RPTOR: variants seen among roughly 807,000 people sequenced by gnomAD.
RPTOR encodes regulatory associated protein of MTOR complex 1, also known as regulatory-associated protein of mTOR.
Under a neutral mutation model 169.9 loss-of-function variants are expected in RPTOR, and 21 were observed. That is an observed-to-expected ratio of 0.12 (90% CI 0.09 to 0.18). The LOEUF is 0.18. RPTOR is among the 10% of genes least tolerant of loss of function. The pLI, the probability that RPTOR is intolerant of heterozygous loss-of-function variation, is 1.00. For synonymous variants in RPTOR, 732 were observed against 753.2 expected, an observed-to-expected ratio of 0.97 and a Z score of 0.46; for missense variants, 1,133 against 1,855.9, an observed-to-expected ratio of 0.61 and a Z score of 7.16.
intron 1 of RPTOR, among the ~76,000 whole-genome samples, chr17:80,613,860 C>T (rs970778011): frequency 3.9e-5 from 6 of 152,102 alleles, no homozygotes; most frequent in African/African-American, 1.2e-4. Flanking sequence ...CGGGCTGGGC[C>T]GCGTGTTCTG....
intron 7 of RPTOR, among the ~76,000 whole-genome samples, chr17:80,816,120 A>G (rs1331839711): frequency 6.6e-6 from 1 of 152,240 alleles, no homozygotes; most frequent in East Asian, 1.9e-4. Flanking sequence ...TTGAGTAGCT[A>G]AAAAGTAATG....
chr17:80,548,105 A>G (rs1205438190), intron 1 of RPTOR, among the ~76,000 whole-genome samples: 5 of 115,670 alleles, frequency 4.3e-5, no homozygotes, highest in African/African-American at 1.7e-4. Context: ...TTTTTGAGAC[A>G]GGGTCTTGCT....
At chr17:80,758,380 A>G (rs894993290) in intron 6 of RPTOR, among the ~76,000 whole-genome samples, 3 of 152,132 alleles carry the variant, frequency 2.0e-5, no homozygotes, top group African/African-American at 7.2e-5. Context: ...GTCCAAGTCC[A>G]TTGTGGGGTG....
intron 5 of RPTOR, among the ~76,000 whole-genome samples, chr17:80,752,583 C>T (rs1320894073): frequency 1.3e-5 from 2 of 152,198 alleles, no homozygotes; most frequent in African/African-American, 4.8e-5. Flanking sequence ...TTTCTGAAAA[C>T]GACAGCAAAA....
chr17:80,769,626 A>G (rs1400693181), intron 6 of RPTOR, among the ~76,000 whole-genome samples: 1 of 151,530 alleles, frequency 6.6e-6, no homozygotes, highest in Admixed American at 6.6e-5. Context: ...GAGTAGGGAT[A>G]CTCCTTCTGC....
At chr17:80,923,256 C>G (rs3817292) in intron 22 of RPTOR, among the ~76,000 whole-genome samples, 50,677 of 152,012 alleles carry the variant, frequency 0.33, 8,579 homozygotes, top group East Asian at 0.48. Context: ...TCCCAGGGTG[C>G]TGGAGTTCAA....
intron 3 of RPTOR, among the ~76,000 whole-genome samples, chr17:80,653,306 G>A (rs2065654834): frequency 6.6e-6 from 1 of 152,162 alleles, no homozygotes; most frequent in Non-Finnish European, 1.5e-5. Context: ...CCCGTGGGAG[G>A]CCAAGACAGG....
chr17:80,882,388 A>G (rs530869001), intron 14 of RPTOR, among the ~76,000 whole-genome samples: 10 of 152,390 alleles, frequency 6.6e-5, no homozygotes, highest in Admixed American at 6.5e-5. Context: ...TCGAAGGCAT[A>G]AAGACAAACC....
chr17:80,817,120 G>A (rs2067332265), intron 7 of RPTOR, among the ~76,000 whole-genome samples: 1 of 152,248 alleles, frequency 6.6e-6, no homozygotes, highest in South Asian at 2.1e-4. Context: ...CACAGCGGGA[G>A]GCACGGCATG....
chr17:80,832,385 G>A (rs556552774), intron 9 of RPTOR, among the ~76,000 whole-genome samples: 9 of 152,208 alleles, frequency 5.9e-5, no homozygotes, highest in African/African-American at 2.2e-4. Context: ...AGGCAGCTCA[G>A]GCCTGGGGGA....
chr17:80,907,916 ACT>A (rs2068563930), intron 20 of RPTOR, among the ~76,000 whole-genome samples: 1 of 151,632 alleles, frequency 6.6e-6, no homozygotes, highest in African/African-American at 2.4e-5. Context: ...AGAAGGAGTC[ACT>A]CTCGCTCCTT....
At chr17:80,613,268 C>T (rs1271101844) in intron 1 of RPTOR, among the ~76,000 whole-genome samples, 1 of 152,210 alleles carries the variant, frequency 6.6e-6, no homozygotes, top group Non-Finnish European at 1.5e-5. Flanking sequence ...TTCCCCAGTG[C>T]TGTCAGACAG....
chr17:80,658,341 C>CT (rs2065695478), intron 3 of RPTOR, among the ~76,000 whole-genome samples: 1 of 152,160 alleles, frequency 6.6e-6, no homozygotes, highest in African/African-American at 2.4e-5. Context: ...TATTTTACCT[C>CT]TATTTCATTT....
At chr17:80,865,321 G>T (rs888823118) in intron 13 of RPTOR, among the ~76,000 whole-genome samples, 3 of 152,238 alleles carry the variant, frequency 2.0e-5, no homozygotes, top group Non-Finnish European at 4.4e-5. Flanking sequence ...CGTCACTGCA[G>T]TGTGGAGACT....
At chr17:80,732,402 G>T (rs935271045) in intron 5 of RPTOR, among the ~76,000 whole-genome samples, 1 of 152,114 alleles carries the variant, frequency 6.6e-6, no homozygotes, top group African/African-American at 2.4e-5. Context: ...CATGTGCTCC[G>T]GCAGTGCTGT....
intron 17 of RPTOR, among the ~76,000 whole-genome samples, chr17:80,886,595 G>A (rs1032104199): frequency 1.3e-5 from 2 of 152,248 alleles, no homozygotes; most frequent in Non-Finnish European, 2.9e-5. Context: ...AAAATAGAGA[G>A]GACGTTAGCT....
At chr17:80,679,571 C>G (rs2143702185) in intron 3 of RPTOR, among the ~76,000 whole-genome samples, 1 of 152,166 alleles carries the variant, frequency 6.6e-6, no homozygotes, top group Non-Finnish European at 1.5e-5. Flanking sequence ...TTTTGTTTCT[C>G]TTAGCTTATT....
At chr17:80,635,957 T>C (rs2065503033) in intron 2 of RPTOR, among the ~76,000 whole-genome samples, 2 of 152,040 alleles carry the variant, frequency 1.3e-5, no homozygotes, top group South Asian at 4.2e-4. Context: ...AAAACAGGGA[T>C]TGGTGCAATC....
At chr17:80,806,390 G>T (rs1174578596) in intron 7 of RPTOR, among the ~76,000 whole-genome samples, 1 of 152,170 alleles carries the variant, frequency 6.6e-6, no homozygotes, top group Non-Finnish European at 1.5e-5. Flanking sequence ...GTGTTCCGTG[G>T]TCCTGTTGCT....
Sources: gnomAD v4.1 joint callset for allele counts (sites outside exome capture counted in the v4.1 genomes callset) on GRCh38, gnomAD v4.1.1 for gene constraint, MANE v1.5 for transcripts, NCBI Gene and HGNC (gene_info 2026-07-23, HGNC 2026-07-21) for gene names.